Variants in AKAP6 observed in about 807,000 individuals in gnomAD.
AKAP6 encodes the protein A-kinase anchor protein 6.
A neutral mutation model predicts 188.5 loss-of-function variants in AKAP6; 58 were observed. That is an observed-to-expected ratio of 0.31 (90% CI 0.25 to 0.38). The LOEUF (loss-of-function observed/expected upper bound fraction) is 0.38. Among genes scored for constraint, AKAP6 ranks in the 10% least tolerant of loss-of-function variants. The probability of loss-of-function intolerance (pLI) is 1.00; values close to 1 mark genes in which losing one functional copy is unlikely to be tolerated. For synonymous variants in AKAP6, 989 were observed against 998.6 expected (o/e 0.99, Z 0.18); for missense variants, 2,710 against 2,740.0 (o/e 0.99, Z 0.24).
At chr14:32,516,730 T>A (rs1881541790) in intron 2 of AKAP6, among the ~76,000 whole-genome samples, 1 of 152,180 alleles carries the variant, frequency 6.6e-6, no homozygotes, top group African/African-American at 2.4e-5. Context: ...TTGAATTGGA[T>A]ATATCAATTG....
intron 1 of AKAP6, among the ~76,000 whole-genome samples, chr14:32,399,134 G>A (rs546325289): frequency 2.0e-5 from 3 of 152,180 alleles, no homozygotes; most frequent in East Asian, 1.9e-4. Flanking sequence ...GATTACAGGC[G>A]TGAGCCACTG....
intron 1 of AKAP6, among the ~76,000 whole-genome samples, chr14:32,348,572 G>A (rs186245784): frequency 2.6e-4 from 39 of 151,912 alleles, no homozygotes; most frequent in African/African-American, 8.2e-4. Flanking sequence ...GCTCCACCAC[G>A]CATGCTAATT....
At chr14:32,779,781 A>T (rs1202153667) in intron 12 of AKAP6, among the ~76,000 whole-genome samples, 1 of 152,200 alleles carries the variant, frequency 6.6e-6, no homozygotes, top group Non-Finnish European at 1.5e-5. Flanking sequence ...AAGATATAAA[A>T]GACTTGGAAT....
Position 32,786,305 on chromosome 14 carries a change from T to TTTTTTTTTTTTTG in AKAP6, c.3588+12424_3588+12425insGTTTTTTTTTTTT, listed in dbSNP as rs2033410925. ...AAAGACCTAAACCTTTATCTTTTTTTTTTTTTTTTTTTTTTTTTTTGAGAC... is the reference window on the plus strand; with the variant it reads ...AAAGACCTAAACCTTTATCTTTTTTTTTTTTTTTTTTTGTTTTTTTTTTTTTTTTTTTTGAGAC... On this transcript the variant is annotated intron_variant, in intron 12 of 13. Transcript: ENST00000280979. Among the ~76,000 whole-genome samples, 7 of 75,976 alleles carry TTTTTTTTTTTTTG rather than the reference T, an allele frequency of 9.2e-5. 1 individual carries two copies. The highest frequency in any genetic ancestry group is 8.2e-4 in the Admixed American group (5 of 6,130). 49.8% of individuals were successfully genotyped at this position (75,976 alleles called of 152,430 possible). A position where few individuals can be genotyped will look rare whatever the true frequency, so the allele number is the denominator to read the frequency against.
Position 32,600,666 on chromosome 14 carries a change from G to C in AKAP6, c.2604G>C (p.Trp868Cys). 6.2e-7 allele frequency: 1 copy of C among 1,613,342 alleles called. No homozygotes were observed. The highest frequency in any genetic ancestry group is 8.5e-7 in the Non-Finnish European group (1 of 1,179,646). The change falls in exon 7 of 14, where the codon TGG becomes TGC. Residue 868 changes from tryptophan (W) to cysteine (C), a missense_variant. Trp to Cys is a radical substitution (Grantham distance 215). Transcript: ENST00000280979. ...TGCTGCGGATGATTGCAAGTCAATG[G>C]AAGGAGCTGCAGAGGCAAATCAAAC... The part of the protein sequence containing the change: ...KDMLRMIASQ[W>C]KELQRQIKRQ...
chr14:32,725,001 A>AAAAC (rs2030779520), intron 9 of AKAP6, among the ~76,000 whole-genome samples: 1 of 148,620 alleles, frequency 6.7e-6, no homozygotes, highest in Admixed American at 6.7e-5. Flanking sequence ...AAAAAAAAAA[A>AAAAC]AAAAAAAAAA....
intron 5 of AKAP6, among the ~76,000 whole-genome samples, chr14:32,593,997 AT>A (rs1271249153): frequency 6.6e-6 from 1 of 152,210 alleles, no homozygotes; most frequent in African/African-American, 2.4e-5. Flanking sequence ...AGTACCATCT[AT>A]TACGTAGACT....
At chr14:32,662,516 C>G (rs1888747236) in intron 7 of AKAP6, among the ~76,000 whole-genome samples, 2 of 152,082 alleles carry the variant, frequency 1.3e-5, no homozygotes, top group African/African-American at 4.8e-5. Context: ...CGTGGTGTGT[C>G]TCTTAACTTT....
In AKAP6 at chr14:32,831,992, A is replaced by G. The variant is rs1256161806; in HGVS notation, c.*2187A>G. ...GCTTATCTGTAATTCTACCACTTTA[A>G]TAACTATTTGTATTTTTATGCCCCT... On this transcript the variant is annotated 3_prime_UTR_variant, in exon 14 of 14. Coordinates refer to ENST00000280979, the MANE Select transcript of AKAP6 (RefSeq NM_004274.5). 6.6e-6 allele frequency: 1 copy of G among 152,144 alleles called. No individual in the cohort carries two copies. Among genetic ancestry groups the G allele is most frequent in the East Asian group, 1.9e-4 (1 of 5,190 alleles). The allele number at this position is 152,144 out of a possible 1,614,324, so 9.4% of individuals were successfully genotyped here.
intron 2 of AKAP6, among the ~76,000 whole-genome samples, chr14:32,453,651 C>T (rs1159808987): frequency 1.5e-5 from 2 of 135,506 alleles, no homozygotes; most frequent in Admixed American, 8.7e-5. Context: ...GGCGGGAGTG[C>T]AGTGGCGCGA....
intron 11 of AKAP6, among the ~76,000 whole-genome samples, chr14:32,740,113 C>T (rs1047109960): frequency 3.9e-5 from 6 of 152,186 alleles, no homozygotes; most frequent in East Asian, 1.9e-4. Flanking sequence ...ATTTTCATTT[C>T]TCTGATGCTC....
chr14:32,800,002 A>G (rs961456237), intron 12 of AKAP6, among the ~76,000 whole-genome samples: 1 of 149,536 alleles, frequency 6.7e-6, no homozygotes, highest in Admixed American at 6.7e-5. Context: ...TTGAGCCCAG[A>G]TGTTCAAGAC....
chr14:32,813,730 A>G (rs1007070552), intron 12 of AKAP6, among the ~76,000 whole-genome samples: 1 of 152,178 alleles, frequency 6.6e-6, no homozygotes, highest in Non-Finnish European at 1.5e-5. Context: ...TAAGAAAGGG[A>G]AGAAAAGAAA....
At chr14:32,559,917 G>C (rs1026416973) in intron 4 of AKAP6, among the ~76,000 whole-genome samples, 7 of 151,610 alleles carry the variant, frequency 4.6e-5, no homozygotes, top group African/African-American at 1.7e-4. Context: ...GGTCTGAACT[G>C]TGGGTCTGGA....
At chr14:32,409,701 C>G (rs1232022089) in intron 1 of AKAP6, among the ~76,000 whole-genome samples, 1 of 152,120 alleles carries the variant, frequency 6.6e-6, no homozygotes, top group African/African-American at 2.4e-5. Flanking sequence ...GATTTTCTTC[C>G]TCTTCTAATT....
chr14:32,498,779 G>A (rs1880456235), intron 2 of AKAP6, among the ~76,000 whole-genome samples: 1 of 152,052 alleles, frequency 6.6e-6, no homozygotes, highest in African/African-American at 2.4e-5. Flanking sequence ...GGGTGTAAGA[G>A]GACATCCCTT....
intron 7 of AKAP6, among the ~76,000 whole-genome samples, chr14:32,676,847 A>G (rs188423612): frequency 7.8e-4 from 118 of 152,146 alleles, no homozygotes; most frequent in Middle Eastern, 6.8e-3. Context: ...TTCTTTTTTT[A>G]AATTGAGAAA....
intron 9 of AKAP6, among the ~76,000 whole-genome samples, chr14:32,712,838 T>G (rs1323724437): frequency 3.3e-5 from 5 of 152,070 alleles, no homozygotes; most frequent in African/African-American, 1.2e-4. Flanking sequence ...ATCAACTTCT[T>G]CCAAACTCCT....
intron 11 of AKAP6, among the ~76,000 whole-genome samples, chr14:32,746,813 G>T (rs189182694): frequency 6.6e-6 from 1 of 152,170 alleles, no homozygotes; most frequent in Non-Finnish European, 1.5e-5. Flanking sequence ...TTACTTGAAA[G>T]AGAAAAGCAC....
Sources: gnomAD v4.1 joint callset for allele counts (sites outside exome capture counted in the v4.1 genomes callset) on GRCh38, gnomAD v4.1.1 for gene constraint, MANE v1.5 for transcripts, NCBI Gene and HGNC (gene_info 2026-07-23, HGNC 2026-07-21) for gene names.